INSL6: variants seen among roughly 807,000 people sequenced by gnomAD.
The protein encoded by INSL6 is insulin like 6, also known as insulin-like peptide INSL6.
Under a neutral mutation model 9.4 loss-of-function variants are expected in INSL6, and 16 were observed. The observed-to-expected ratio is 1.70, with a 90% CI of 1.15 to 2.59. INSL6 has a LOEUF of 2.59. Ranked by LOEUF, INSL6 falls within the 30% of genes most tolerant of loss-of-function variation. The pLI is 0.00. For missense variants in INSL6, 391 were observed against 257.3 expected, an observed-to-expected ratio of 1.52 and a Z score of -3.56; for synonymous variants, 154 against 96.9, an observed-to-expected ratio of 1.59 and a Z score of -3.46.
At chr9:5,137,892 GA>G (rs1174113329) in intron 2 of INSL6, among the ~76,000 whole-genome samples, 3 of 150,828 alleles carry the variant, frequency 2.0e-5, no homozygotes, top group Admixed American at 6.6e-5. Flanking sequence ...AAATTTACAA[GA>G]AAAAAAACCC....
chr9:5,141,916 C>A (rs915513212), intron 2 of INSL6, among the ~76,000 whole-genome samples: 6 of 152,208 alleles, frequency 3.9e-5, no homozygotes, highest in Non-Finnish European at 8.8e-5. Context: ...GGAAGGGGTC[C>A]AGTTTTAATC....
Position 5,126,565 on chromosome 9 carries a change from A to G in INSL6, c.*11-2054T>C, listed in dbSNP as rs182773602. On this transcript the variant is annotated intron_variant, in intron 3 of 3. Coordinates refer to the INSL6 transcript ENST00000649639. ...GCTTCCAGATAAACAGCATAATCAG[A>G]TGACTGTGGAACAAGGCATGGTTAT... is the stretch of plus-strand genomic sequence containing the variant. 12 of 925,036 alleles carry G rather than the reference A, an allele frequency of 1.3e-5. No individual in the cohort carries two copies. The Admixed American group carries it at 2.7e-4, about 21-fold the overall frequency. 57.3% of individuals were successfully genotyped at this position (925,036 alleles called of 1,614,324 possible).
At chr9:5,155,665 A>G (rs893459602) in intron 2 of INSL6, among the ~76,000 whole-genome samples, 5 of 151,964 alleles carry the variant, frequency 3.3e-5, no homozygotes, top group Admixed American at 6.6e-5. Flanking sequence ...AAACTAACAC[A>G]AGAACAGAAA....
chr9:5,088,444 C>A, the INSL6 span, among the ~76,000 whole-genome samples: 2 of 152,028 alleles, frequency 1.3e-5, no homozygotes, highest in African/African-American at 2.4e-5. Context: ...TGATTAATAT[C>A]AAAAACCTAT....
the INSL6 span, among the ~76,000 whole-genome samples, chr9:5,084,666 T>C: frequency 6.6e-6 from 1 of 152,192 alleles, no homozygotes; most frequent in Non-Finnish European, 1.5e-5. Flanking sequence ...CATGCCCACA[T>C]ATACTTATAT....
chr9:5,058,988 A>G, the INSL6 span, among the ~76,000 whole-genome samples: 1 of 151,862 alleles, frequency 6.6e-6, no homozygotes, highest in Non-Finnish European at 1.5e-5. Flanking sequence ...ATTGCTTTTC[A>G]CTATGTTGCT....
chr9:5,148,114 T>G (rs922010271), intron 2 of INSL6, among the ~76,000 whole-genome samples: 8 of 152,200 alleles, frequency 5.3e-5, no homozygotes, highest in Non-Finnish European at 1.0e-4. Flanking sequence ...GGGATACTAT[T>G]TTTTAATTGT....
the INSL6 span, among the ~76,000 whole-genome samples, chr9:5,036,911 C>T: frequency 1.3e-5 from 2 of 152,178 alleles, no homozygotes; most frequent in Non-Finnish European, 2.9e-5. Flanking sequence ...AAACTACCAT[C>T]AGAGTGAACA....
the INSL6 span, among the ~76,000 whole-genome samples, chr9:5,103,412 T>G: frequency 6.6e-6 from 1 of 151,628 alleles, no homozygotes; most frequent in Non-Finnish European, 1.5e-5. Context: ...AGCACCAAGA[T>G]TCATAAAGCA....
the INSL6 span, among the ~76,000 whole-genome samples, chr9:5,040,748 C>A: frequency 6.6e-6 from 1 of 152,254 alleles, no homozygotes; most frequent in Non-Finnish European, 1.5e-5. Flanking sequence ...GCGTCCGGGA[C>A]CGTGGTGTGC....
At chr9:5,041,130 T>G in the INSL6 span, 2 of 965,696 alleles carry the variant, frequency 2.1e-6, no homozygotes, top group Non-Finnish European at 3.2e-6. Context: ...ACGGTGCTCC[T>G]GATCGCCATC....
chr9:5,047,889 C>T, the INSL6 span, among the ~76,000 whole-genome samples: 6 of 152,054 alleles, frequency 3.9e-5, no homozygotes, highest in African/African-American at 7.2e-5. Context: ...GTGTGAGCCA[C>T]CACACCTGGC....
chr9:5,132,436 A>G (rs1226425222), intron 3 of INSL6, among the ~76,000 whole-genome samples: 4 of 152,206 alleles, frequency 2.6e-5, no homozygotes, highest in Non-Finnish European at 5.9e-5. Context: ...TGGACAATAC[A>G]ATCAAATGCC....
the INSL6 span, among the ~76,000 whole-genome samples, chr9:5,028,237 A>G: frequency 2.0e-5 from 3 of 152,226 alleles, no homozygotes; most frequent in African/African-American, 7.2e-5. Flanking sequence ...TTCAATGTAC[A>G]TCTTCATCAG....
chr9:5,075,549 C>T, the INSL6 span, among the ~76,000 whole-genome samples: 93 of 152,318 alleles, frequency 6.1e-4, no homozygotes, highest in African/African-American at 2.1e-3. Context: ...GCCTAGATGA[C>T]AGCACATCTG....
chr9:5,057,754 TG>T, the INSL6 span, among the ~76,000 whole-genome samples: 2 of 151,934 alleles, frequency 1.3e-5, no homozygotes, highest in African/African-American at 2.4e-5. Flanking sequence ...GCTAATTTTT[TG>T]TATCTTTAGT....
At chr9:5,165,590 T>C (rs1380581441) in intron 1 of INSL6, among the ~76,000 whole-genome samples, 1 of 152,236 alleles carries the variant, frequency 6.6e-6, no homozygotes, top group Non-Finnish European at 1.5e-5. Context: ...TCAAATCCTT[T>C]GCCCATTTTC....
the INSL6 span, among the ~76,000 whole-genome samples, chr9:5,033,524 A>T: frequency 6.6e-6 from 1 of 152,250 alleles, no homozygotes; most frequent in Non-Finnish European, 1.5e-5. Flanking sequence ...GAAGCCCATC[A>T]GACTAACAGC....
chr9:5,088,730 T>G, the INSL6 span, among the ~76,000 whole-genome samples: 1 of 152,236 alleles, frequency 6.6e-6, no homozygotes, highest in African/African-American at 2.4e-5. Context: ...AGGTTTCTTC[T>G]TGGCTTGCAG....
Sources: allele counts gnomAD v4.1 joint callset (sites outside exome capture counted in the v4.1 genomes callset), GRCh38; gene constraint gnomAD v4.1.1; transcripts MANE v1.5; gene names NCBI Gene and HGNC (gene_info 2026-07-23, HGNC 2026-07-21).